The following DUSP8 variants were observed in gnomAD, a reference collection of about 807,000 sequenced individuals.
DUSP8 encodes the protein dual specificity phosphatase 8.
DUSP8 carries 15 observed loss-of-function variants against 38.7 expected under a neutral mutation model. The ratio of observed to expected loss-of-function variants is 0.39; its 90% confidence interval spans 0.26 to 0.60. The LOEUF is 0.60. Among genes scored for constraint, DUSP8 ranks in the 20% least tolerant of loss-of-function variants. The pLI is 0.56. For missense variants in DUSP8, 768 were observed against 915.0 expected (o/e 0.84, Z 2.07); for synonymous variants, 458 against 433.9 (o/e 1.06, Z -0.69).
intron 1 of DUSP8, among the ~76,000 whole-genome samples, chr11:1,570,137 G>A (rs1221951529): frequency 4.6e-5 from 7 of 152,182 alleles, no homozygotes; most frequent in Admixed American, 2.6e-4. Flanking sequence ...AACGGGGTCC[G>A]GGCAGGGCAG....
intron 2 of DUSP8, among the ~76,000 whole-genome samples, chr11:1,565,389 G>A (rs780822305): frequency 6.6e-5 from 10 of 152,132 alleles, no homozygotes; most frequent in African/African-American, 1.4e-4. Flanking sequence ...TGCTGCGGGC[G>A]GGGGTGCGGG....
At chr11:1,563,445 C>G (rs541590263) in intron 3 of DUSP8, among the ~76,000 whole-genome samples, 1 of 152,232 alleles carries the variant, frequency 6.6e-6, no homozygotes, top group South Asian at 2.1e-4. Flanking sequence ...CAGGCAGCAG[C>G]CTTGGTGCCA....
intron 3 of DUSP8, 70 bp from the exon 4 acceptor site, chr11:1,559,125 T>G: frequency 2.7e-6 from 4 of 1,463,858 alleles, no homozygotes; most frequent in Non-Finnish European, 3.7e-6. Context: ...GGGTGCCCTG[T>G]CCGCCTAGGG....
Position 1,557,780 on chromosome 11 carries a change from G to A in DUSP8, c.821+14C>T. 1 of 1,612,446 alleles carries A rather than the reference G, an allele frequency of 6.2e-7. No individual in the cohort carries two copies. Among genetic ancestry groups the A allele is most frequent in the African/African-American group, 1.3e-5 (1 of 75,016 alleles). ...CGCTGTGAGCCACAAGTGCGCGACT[G>A]GGGAAGGTGGTACCTGTAGGCGTCG... On this transcript the variant is annotated intron_variant, in intron 6 of 6. Transcript: ENST00000397374. This position sits in a 1 kb window ranked among gnomAD's most constrained non-coding sequence, Gnocchi z 9.9.
intron 2 of DUSP8, among the ~76,000 whole-genome samples, 167 bp downstream of exon 2, chr11:1,565,429 G>A (rs1386632772): frequency 6.6e-6 from 1 of 152,186 alleles, no homozygotes; most frequent in Non-Finnish European, 1.5e-5. Context: ...AACAGGCAGC[G>A]GTGAGAGGCA....
chr11:1,562,677 A>G (rs1339922690), intron 3 of DUSP8, among the ~76,000 whole-genome samples: 2 of 126,666 alleles, frequency 1.6e-5, no homozygotes, highest in Non-Finnish European at 3.4e-5. Context: ...GCACACACAT[A>G]CATGCATGCA....
intron 2 of DUSP8, 129 bp downstream of exon 2, chr11:1,565,467 C>T: frequency 1.3e-6 from 1 of 740,836 alleles, no homozygotes; most frequent in Non-Finnish European, 2.2e-6. Context: ...CTCCACACGC[C>T]CCTGGCTGTG....
At chr11:1,559,134 G>A (rs764628809) in intron 3 of DUSP8, 79 bp from the exon 4 acceptor site, 2 of 1,415,538 alleles carry the variant, frequency 1.4e-6, no homozygotes, top group Non-Finnish European at 1.9e-6. Context: ...GTCCGCCTAG[G>A]GCACCCCATC....
In DUSP8 at chr11:1,562,662, T is replaced by TACATGCACACACATACATGCATGC. The variant is rs372221326; in HGVS notation, c.370+1165_370+1188dup. Among the ~76,000 whole-genome samples, 573 of 151,826 alleles carry TACATGCACACACATACATGCATGC rather than the reference T, an allele frequency of 3.8e-3. 5 individuals are homozygous for TACATGCACACACATACATGCATGC. Among genetic ancestry groups the TACATGCACACACATACATGCATGC allele is most frequent in the Middle Eastern group, 0.014 (4 of 294 alleles). On this transcript the variant is annotated intron_variant, in intron 3 of 6. Coordinates refer to ENST00000397374, the MANE Select transcript of DUSP8 (RefSeq NM_004420.3). ...GCATATGCCCATACATGCACACATG[T>TACATGCACACACATACATGCATGC]ACATGCACACACATACATGCATGCA...
rs1848630544 is a variant in DUSP8, at chr11:1,556,718, C to CCCG, written c.1675_1677dup (p.Arg559dup). The CCCG allele has an allele frequency of 8.1e-7, 1 of 1,236,550 alleles. No homozygotes were observed. The allele number at this position is 1,236,550 out of a possible 1,614,324, so 76.6% of individuals were successfully genotyped here. A position where few individuals can be genotyped will look rare whatever the true frequency, so the allele number is the denominator to read the frequency against. The stretch of plus-strand genomic sequence containing the variant: ...TCCCGGGGCTCAGCCCTCGCTGCCT[C>CCCG]CCGCCGCCGCAGGTCGCTGCCGCCG... On this transcript the variant is annotated inframe_insertion, in exon 7 of 7. Transcript: ENST00000397374. The surrounding 1 kb of genome is among the most constrained non-coding windows in gnomAD (Gnocchi z 5.2).
Position 1,556,231 on chromosome 11 carries a change from T to C in DUSP8, c.*287A>G. On this transcript the variant is annotated 3_prime_UTR_variant, in exon 7 of 7. Coordinates refer to ENST00000397374, the MANE Select transcript of DUSP8 (RefSeq NM_004420.3). This position sits in a 1 kb window ranked among gnomAD's most constrained non-coding sequence, Gnocchi z 5.2. ...GCAGTGTTTCCTGGGGCGGGGGAAC[T>C]GGGAGGGGCCCCAGGCCTGGCACCC... 3.1e-6 allele frequency: 1 copy of C among 321,214 alleles called. No homozygotes were observed. The highest frequency in any genetic ancestry group is 5.6e-6 in the Non-Finnish European group (1 of 180,114). The allele number at this position is 321,214 out of a possible 1,614,324, so 19.9% of individuals were successfully genotyped here.
intron 1 of DUSP8, 40 bp downstream of exon 1, chr11:1,571,861 C>A (rs1434003371): frequency 2.7e-5 from 4 of 146,854 alleles, no homozygotes; most frequent in Non-Finnish European, 4.6e-5. Context: ...TGAACCCCAT[C>A]CCCGGCGCCC....
intron 3 of DUSP8, among the ~76,000 whole-genome samples, chr11:1,563,498 T>C (rs1467972146): frequency 6.6e-6 from 1 of 151,112 alleles, no homozygotes; most frequent in Non-Finnish European, 1.5e-5. Flanking sequence ...CTTTCGGAGG[T>C]GGGGGGACTT....
chr11:1,557,078 G>A lies in DUSP8; in HGVS notation c.1318C>T (p.Pro440Ser). The A allele has an allele frequency of 4.7e-6, 6 of 1,271,040 alleles. No individual in the cohort carries two copies. The highest frequency in any genetic ancestry group is 4.5e-5 in the South Asian group (2 of 44,796). The allele number at this position is 1,271,040 out of a possible 1,614,324, so 78.7% of individuals were successfully genotyped here. The part of the protein sequence containing the change: ...GAALGLSSPS[P>S]DSPDAAPEAR... The stretch of plus-strand genomic sequence containing the variant: ...TCAGGCGCGGCGTCCGGGCTGTCCG[G>A]GCTGGGCGAGGACAGGCCCAGCGCG... The change falls in exon 7 of 7, where the codon CCG becomes TCG. Residue 440 changes from proline (P) to serine (S), a missense_variant. Coordinates refer to ENST00000397374, the MANE Select transcript of DUSP8 (RefSeq NM_004420.3). The surrounding 1 kb of genome is among the most constrained non-coding windows in gnomAD (Gnocchi z 9.9).
Position 1,565,701 on chromosome 11 carries a change from A to G in DUSP8, c.126T>C (p.His42=), listed in dbSNP as rs765716546. The G allele has an allele frequency of 2.9e-5, 47 of 1,611,860 alleles. No individual in the cohort carries two copies. The highest frequency in any genetic ancestry group is 3.8e-5 in the Non-Finnish European group (45 of 1,179,690). The part of the protein sequence containing the change: ...SRSFVEYNSW[H]VLSSVNICCS... The stretch of plus-strand genomic sequence containing the variant: ...AGCAGATGTTGACGGAGCTGAGCAC[A>G]TGCCAGCTGTTGTACTCCACGAAGG... Residue 42 remains histidine (H), a synonymous_variant, in exon 2 of 7, where the codon CAT becomes CAC. Transcript: ENST00000397374.
intron 3 of DUSP8, among the ~76,000 whole-genome samples, chr11:1,560,926 A>G (rs1299356483): frequency 6.6e-6 from 1 of 152,142 alleles, no homozygotes; most frequent in East Asian, 1.9e-4. Flanking sequence ...GAGGAGGTAA[A>G]GGCAGGAAAG....
intron 3 of DUSP8, 101 bp from the exon 4 acceptor site, chr11:1,559,156 A>G: frequency 2.5e-6 from 3 of 1,223,916 alleles, no homozygotes; most frequent in African/African-American, 1.5e-5. Flanking sequence ...ACTGCTGAGG[A>G]TCAGTCACAC....
Position 1,565,647 on chromosome 11 carries a change from C to T in DUSP8, c.180G>A (p.Gln60=), listed in dbSNP as rs1163524586. The T allele has an allele frequency of 6.2e-7, 1 of 1,611,104 alleles. No homozygotes were observed. The highest frequency in any genetic ancestry group is 8.5e-7 in the Non-Finnish European group (1 of 1,179,352). The change falls in exon 2 of 7, where the codon CAG becomes CAA. Residue 60 remains glutamine (Q), a synonymous_variant. Coordinates refer to ENST00000397374, the MANE Select transcript of DUSP8 (RefSeq NM_004420.3). ...GCTCCGCAATGGTCACCTTGCCCTG[C>T]TGCAGCCGCCGCTTCACCAGCTTGG... ...CCSKLVKRRL[Q]QGKVTIAELI...
Position 1,557,743 on chromosome 11 carries a change from G to A in DUSP8, c.821+51C>T. 3 of 1,609,562 alleles carry A rather than the reference G, an allele frequency of 1.9e-6. No homozygotes were observed. The highest frequency in any genetic ancestry group is 1.3e-5 in the African/African-American group (1 of 74,986). Reference sequence around the variant, plus strand: ...TTCTGGTGCAAGTGGGCAGCCGGGGGAAGGGAAGCGACGCTGTGAGCCACA... The same window carrying A: ...TTCTGGTGCAAGTGGGCAGCCGGGGAAAGGGAAGCGACGCTGTGAGCCACA... On this transcript the variant is annotated intron_variant, in intron 6 of 6. Transcript: ENST00000397374. The surrounding 1 kb of genome is among the most constrained non-coding windows in gnomAD (Gnocchi z 9.9).
Sources: gnomAD v4.1 joint callset for allele counts (sites outside exome capture counted in the v4.1 genomes callset) on GRCh38, gnomAD v4.1.1 for gene constraint, Gnocchi (gnomAD v3.1) non-coding constraint, MANE v1.5 for transcripts, NCBI Gene and HGNC (gene_info 2026-07-23, HGNC 2026-07-21) for gene names.